CELSR1: variants seen among roughly 807,000 people sequenced by gnomAD.
The protein encoded by CELSR1 is adhesion G protein-coupled receptor C1.
In CELSR1, 110 loss-of-function variants were observed where a neutral mutation model predicts 249.1. The observed-to-expected ratio is 0.44, with a 90% CI of 0.38 to 0.52. CELSR1 has a LOEUF of 0.52. CELSR1 is among the 20% of genes least tolerant of loss of function. The pLI is 0.00. For missense variants in CELSR1, 4,109 were observed against 4,296.4 expected (o/e 0.96, Z 1.22); for synonymous variants, 2,113 against 1,900.0 (o/e 1.11, Z -2.92).
intron 1 of CELSR1, among the ~76,000 whole-genome samples, chr22:46,529,508 A>T (rs2080771086): frequency 6.6e-6 from 1 of 150,552 alleles, no homozygotes; most frequent in Non-Finnish European, 1.5e-5. Context: ...AAAATAGCTA[A>T]AAAAATGAAT....
chr22:46,454,651 C>T lies in CELSR1; in HGVS notation c.4183+9056G>A, dbSNP rs1205348513. The stretch of plus-strand genomic sequence containing the variant: ...CACATTCCACACCTAGTTCAGCTCG[C>T]CCACCTCCAAGCTGTCCGGGTGGGA... On this transcript the variant is annotated intron_variant, in intron 2 of 34. Coordinates refer to ENST00000674500, the MANE Select transcript of CELSR1 (RefSeq NM_001378328.1). The surrounding 1 kb of genome is among the most constrained non-coding windows in gnomAD (Gnocchi z 5.1). Among the ~76,000 whole-genome samples, 1 of 152,252 alleles carries T rather than the reference C, an allele frequency of 6.6e-6. No individual in the cohort carries two copies. Among genetic ancestry groups the T allele is most frequent in the Non-Finnish European group, 1.5e-5 (1 of 68,048 alleles).
intron 19 of CELSR1, among the ~76,000 whole-genome samples, chr22:46,385,975 C>CTTTTTTTTTTTT (rs562430150): frequency 1.5e-5 from 2 of 137,678 alleles, no homozygotes; most frequent in Non-Finnish European, 3.1e-5. Context: ...CCGCGCCCGG[C>CTTTTTTTTTTTT]TTTTTTTTTT....
In CELSR1 at chr22:46,364,206, G is replaced by A. The variant is rs149360981; in HGVS notation, c.8825C>T (p.Thr2942Met). The A allele has an allele frequency of 5.6e-5, 91 of 1,610,990 alleles. No individual in the cohort carries two copies. In the Middle Eastern group the frequency reaches 9.9e-4, roughly 17 times the overall value. The change falls in exon 34 of 35, where the codon ACG becomes ATG. Residue 2942 changes from threonine to methionine, a missense_variant. This residue lies in a region of CELSR1 where 1,805 missense variants were observed against 1,831.6 expected (regional missense o/e 0.99). Coordinates refer to ENST00000674500, the MANE Select transcript of CELSR1 (RefSeq NM_001378328.1). ...GAGCCGGCCCTTCAGCGTCTGCTCC[G>A]TCAGCGTCAGCGGCGGCGGGTAGGT... ...KVTYPPPLTL[T>M]EQTLKGRLRE...
At chr22:46,416,389 C>T (rs1208978776) in intron 5 of CELSR1, among the ~76,000 whole-genome samples, 1 of 152,206 alleles carries the variant, frequency 6.6e-6, no homozygotes, top group African/African-American at 2.4e-5. Context: ...CCCCCCCAAC[C>T]CCTGCACCAA....
At chr22:46,480,241 G>A (rs1325965939) in intron 1 of CELSR1, among the ~76,000 whole-genome samples, 2 of 152,220 alleles carry the variant, frequency 1.3e-5, no homozygotes, top group Admixed American at 6.5e-5. Flanking sequence ...GTCGTCGCCT[G>A]TCATGTTTTT....
chr22:46,519,660 CCT>C (rs929198146), intron 1 of CELSR1, among the ~76,000 whole-genome samples: 4 of 152,136 alleles, frequency 2.6e-5, no homozygotes, highest in Non-Finnish European at 5.9e-5. Flanking sequence ...CTCCCATGCC[CCT>C]GAGATGCAAG....
intron 18 of CELSR1, among the ~76,000 whole-genome samples, chr22:46,388,921 G>C (rs1001304089): frequency 7.9e-5 from 12 of 152,214 alleles, no homozygotes; most frequent in African/African-American, 2.9e-4. Flanking sequence ...AGCTCTCTGT[G>C]CCTCTGTTTC....
In CELSR1 at chr22:46,391,318, CG is replaced by C; in HGVS notation, c.6149-32del. On this transcript the variant is annotated intron_variant, in intron 15 of 34. Coordinates refer to ENST00000674500, the MANE Select transcript of CELSR1 (RefSeq NM_001378328.1). This position sits in a 1 kb window ranked among gnomAD's most constrained non-coding sequence, Gnocchi z 4.3. ...GTAGAGAAGAGAGAAGTCTGCTCAG[CG>C]GGGCACGCCACACCCACGACCACAA... 6.3e-7 allele frequency: 1 copy of C among 1,587,638 alleles called. No homozygotes were observed. Among genetic ancestry groups the C allele is most frequent in the Non-Finnish European group, 8.6e-7 (1 of 1,158,170 alleles).
Position 46,369,749 on chromosome 22 carries a change from C to T in CELSR1, c.7815G>A (p.Leu2605=), listed in dbSNP as rs933511978. ...QGYGNPDFCW[L]SLQDTLIWSF... ...TCCAAATCAGGGTGTCTTGAAGCGA[C>T]AGCCAGCAGAAGTCGGGGTTCCCGT... Residue 2605 remains leucine, a synonymous_variant, in exon 26 of 35, where the codon CTG becomes CTA. Coordinates refer to ENST00000674500, the MANE Select transcript of CELSR1 (RefSeq NM_001378328.1). 4.6e-5 allele frequency: 75 copies of T among 1,613,298 alleles called. 2 individuals carry two copies. Among genetic ancestry groups the T allele is most frequent in the Non-Finnish European group, 6.0e-5 (71 of 1,179,994 alleles).
At position 46,464,859 on chromosome 22, in the gene CELSR1, A is replaced by C. The variant is rs951203879; in HGVS notation, c.3545-514T>G. Among the ~76,000 whole-genome samples, 1 of 152,076 alleles carries C rather than the reference A, an allele frequency of 6.6e-6. No homozygotes were observed. The highest frequency in any genetic ancestry group is 2.4e-5 in the African/African-American group (1 of 41,402). The stretch of plus-strand genomic sequence containing the variant: ...AGCTCAAACTCTGCAGTGCCTGGCA[A>C]GCCCGCCCTGGTCCTGCCCAGGCGA... On this transcript the variant is annotated intron_variant, in intron 1 of 34. Transcript: ENST00000674500. This position sits in a 1 kb window ranked among gnomAD's most constrained non-coding sequence, Gnocchi z 8.5.
In CELSR1 at chr22:46,464,610, A is replaced by C. The variant is rs1428048752; in HGVS notation, c.3545-265T>G. Among the ~76,000 whole-genome samples the C allele has an allele frequency of 4.0e-5, 6 of 151,554 alleles. No individual in the cohort carries two copies. The stretch of plus-strand genomic sequence containing the variant: ...GGCTTCCTAAAGCACAGCTCCGATC[A>C]CATCTTTCTCTGGCTCCGAATCCCT... On this transcript the variant is annotated intron_variant, in intron 1 of 34. Transcript: ENST00000674500. The surrounding 1 kb of genome is among the most constrained non-coding windows in gnomAD (Gnocchi z 8.5).
chr22:46,416,884 C>T (rs1410302308), intron 5 of CELSR1, among the ~76,000 whole-genome samples: 1 of 150,982 alleles, frequency 6.6e-6, no homozygotes, highest in Non-Finnish European at 1.5e-5. Context: ...CACATTTCTC[C>T]AGCCTTTTAA....
In CELSR1 at chr22:46,438,748, A is replaced by G. The variant is rs558911109; in HGVS notation, c.4406+441T>C. ...GGTTAAGGGGTACAAACAAAGACAC[A>G]GAAGGAATAAGCTTTTGTGGTTTTT... On this transcript the variant is annotated intron_variant, in intron 3 of 34. Coordinates refer to ENST00000674500, the MANE Select transcript of CELSR1 (RefSeq NM_001378328.1). Among the ~76,000 whole-genome samples the G allele has an allele frequency of 1.7e-4, 26 of 152,260 alleles. No individual in the cohort carries two copies. In the East Asian group the frequency reaches 4.6e-3, roughly 27 times the overall value.
chr22:46,464,381 C>A lies in CELSR1; in HGVS notation c.3545-36G>T. 2 of 1,584,394 alleles carry A rather than the reference C, an allele frequency of 1.3e-6. No individual in the cohort carries two copies. The highest frequency in any genetic ancestry group is 1.7e-6 in the Non-Finnish European group (2 of 1,165,574). On this transcript the variant is annotated intron_variant, in intron 1 of 34. Transcript: ENST00000674500. The surrounding 1 kb of genome is among the most constrained non-coding windows in gnomAD (Gnocchi z 8.5). ...AAGGAAAGTCAGGGTCATTCAGATGCTGCGGGAGTCACAGGTCCTATAGGC... is the reference window on the plus strand; with the variant it reads ...AAGGAAAGTCAGGGTCATTCAGATGATGCGGGAGTCACAGGTCCTATAGGC...
intron 2 of CELSR1, among the ~76,000 whole-genome samples, chr22:46,450,266 C>T (rs1380801874): frequency 6.6e-6 from 1 of 152,254 alleles, no homozygotes; most frequent in African/African-American, 2.4e-5. Flanking sequence ...GGCCTTTGTC[C>T]AGCAACAGAG....
chr22:46,415,460 T>C (rs550091144), intron 5 of CELSR1, among the ~76,000 whole-genome samples: 1 of 152,166 alleles, frequency 6.6e-6, no homozygotes, highest in Non-Finnish European at 1.5e-5. Context: ...GCCTGGGTGA[T>C]GAAAATATTT....
At chr22:46,523,062 T>C (rs2080701914) in intron 1 of CELSR1, among the ~76,000 whole-genome samples, 1 of 152,260 alleles carries the variant, frequency 6.6e-6, no homozygotes, top group Non-Finnish European at 1.5e-5. Flanking sequence ...CAAATGGTTA[T>C]TGCCCTGCAA....
Position 46,534,488 on chromosome 22 carries a change from C to T in CELSR1, c.2683G>A (p.Asp895Asn), listed in dbSNP as rs775223359. Residue 895 changes from aspartate (D) to asparagine (N), a missense_variant, in exon 1 of 35, where the codon GAT becomes AAT. Physicochemically the swap from Asp to Asn is conservative, Grantham distance 23 (BLOSUM62 1). Transcript: ENST00000674500. The surrounding 1 kb of genome is among the most constrained non-coding windows in gnomAD (Gnocchi z 9.7). ...TCAAAGATGGAACCCTGGTAGAAATCCCACAGGAACTGGGGTGCATTGTCA... is the reference window on the plus strand; with the variant it reads ...TCAAAGATGGAACCCTGGTAGAAATTCCACAGGAACTGGGGTGCATTGTCA... Reference protein sequence around the residue: ...ANDNAPQFLWDFYQGSIFEDA... With the variant: ...ANDNAPQFLWNFYQGSIFEDA... 2.5e-6 allele frequency: 4 copies of T among 1,613,274 alleles called. No homozygotes were observed. Among genetic ancestry groups the T allele is most frequent in the East Asian group, 2.2e-5 (1 of 44,886 alleles).
chr22:46,513,596 T>C (rs1036733812), intron 1 of CELSR1, among the ~76,000 whole-genome samples: 1 of 152,150 alleles, frequency 6.6e-6, no homozygotes. Context: ...ACTGTTATAA[T>C]TGGCCCTTAT....
Sources: allele counts gnomAD v4.1 joint callset (sites outside exome capture counted in the v4.1 genomes callset), GRCh38; gene constraint gnomAD v4.1.1; regional missense constraint gnomAD v4.1.1; non-coding constraint Gnocchi (gnomAD v3.1); transcripts MANE v1.5; gene names NCBI Gene and HGNC (gene_info 2026-07-23, HGNC 2026-07-21).